Variants in IQGAP2 observed in about 807,000 individuals in gnomAD.
IQGAP2 encodes the protein IQ motif containing GTPase activating protein 2, also known as ras GTPase-activating-like protein IQGAP2.
In IQGAP2, 173 loss-of-function variants were observed where a neutral mutation model predicts 201.3. That is an observed-to-expected ratio of 0.86 (90% confidence interval 0.76 to 0.98). The LOEUF (loss-of-function observed/expected upper bound fraction) is 0.98. IQGAP2 is among the 50% of genes least tolerant of loss of function. The probability of loss-of-function intolerance (pLI) is 0.00; values close to 1 mark genes in which losing one functional copy is unlikely to be tolerated. For missense variants in IQGAP2, 1,687 were observed against 1,864.8 expected (o/e 0.90, Z 1.76); for synonymous variants, 675 against 673.9 (o/e 1.00, Z -0.03).
At chr5:76,697,821 G>A (rs575516542) in intron 32 of IQGAP2, among the ~76,000 whole-genome samples, 166 bp from the exon 33 acceptor site, 1 of 152,244 alleles carries the variant, frequency 6.6e-6, no homozygotes, top group Admixed American at 6.5e-5. Context: ...AGTAAAAAGG[G>A]ATGGGAACCC....
chr5:76,694,596 T>A (rs577784053), intron 31 of IQGAP2, among the ~76,000 whole-genome samples: 1 of 152,310 alleles, frequency 6.6e-6, no homozygotes, highest in South Asian at 2.1e-4. Context: ...CAATTAAACA[T>A]GTTAAGTGGG....
chr5:76,423,143 TTACCA>T (rs1751814769), intron 1 of IQGAP2, among the ~76,000 whole-genome samples: 1 of 152,192 alleles, frequency 6.6e-6, no homozygotes, highest in Admixed American at 6.5e-5. Flanking sequence ...CTATAAAAAA[TTACCA>T]CTAATCAACT....
Position 76,677,322 on chromosome 5 carries a change from C to G in IQGAP2, c.3632C>G (p.Ser1211Ter). ...GTCAGCAAACCAGTCATTTATATTT[C>G]AATTGAAGAAATCATCAGCACACAC... ...VTVSKPVIYI[S>*]IEEIISTHSL... The change falls in exon 28 of 36, where the codon TCA becomes TGA. Residue 1211 changes from serine to a stop codon, truncating the protein, a stop_gained. Transcript: ENST00000274364. LOFTEE classifies it high-confidence loss of function. 6.2e-7 allele frequency: 1 copy of G among 1,613,844 alleles called. No individual in the cohort carries two copies. The highest frequency in any genetic ancestry group is 8.5e-7 in the Non-Finnish European group (1 of 1,179,892).
chr5:76,468,151 T>G (rs1754886427), intron 2 of IQGAP2, among the ~76,000 whole-genome samples: 1 of 152,192 alleles, frequency 6.6e-6, no homozygotes, highest in Non-Finnish European at 1.5e-5. Context: ...GATAATTTCC[T>G]TACACTGGCT....
At chr5:76,699,322 T>G (rs959994049) in intron 33 of IQGAP2, 2 of 152,218 alleles carry the variant, frequency 1.3e-5, no homozygotes, top group African/African-American at 4.8e-5. Flanking sequence ...CGAATAGTAT[T>G]CTTCTGTGTG....
intron 3 of IQGAP2, among the ~76,000 whole-genome samples, chr5:76,569,300 A>G (rs142903156): frequency 4.6e-5 from 7 of 152,318 alleles, no homozygotes; most frequent in African/African-American, 1.7e-4. Flanking sequence ...CTATCTTTCC[A>G]TATCTTTAAA....
In IQGAP2 at chr5:76,562,608, C is replaced by G. The variant is rs1271999584; in HGVS notation, c.303+56C>G. On this transcript the variant is annotated intron_variant, in intron 3 of 35. Transcript: ENST00000274364. ...AGCTAAAAGTGAAAGTTTGGTATTT[C>G]ATATCCTCTCCCTTCTTTTACTCTT... The G allele has an allele frequency of 2.8e-6, 4 of 1,450,052 alleles. No homozygotes were observed. The African/African-American group carries it at 4.2e-5, about 15-fold the overall frequency. 89.8% of individuals were successfully genotyped at this position (1,450,052 alleles called of 1,614,324 possible).
chr5:76,551,304 G>A (rs1476713697), intron 2 of IQGAP2, among the ~76,000 whole-genome samples: 1 of 150,778 alleles, frequency 6.6e-6, no homozygotes, highest in Admixed American at 6.6e-5. Flanking sequence ...ATGGGCGGCC[G>A]GGCAGAGATG....
intron 28 of IQGAP2, 114 bp from the exon 29 acceptor site, chr5:76,683,001 C>T (rs2150513535): frequency 5.3e-6 from 3 of 565,820 alleles, no homozygotes; most frequent in Non-Finnish European, 9.3e-6. Flanking sequence ...AAATGTCATA[C>T]TCATATTTAA....
intron 33 of IQGAP2, among the ~76,000 whole-genome samples, chr5:76,700,104 C>G (rs141233897): frequency 1.7e-3 from 266 of 152,106 alleles, no homozygotes; most frequent in African/African-American, 6.2e-3. Context: ...CATATACATG[C>G]AAGGAAGAAG....
intron 28 of IQGAP2, among the ~76,000 whole-genome samples, chr5:76,679,839 A>G (rs1199242794): frequency 6.6e-6 from 1 of 152,134 alleles, no homozygotes; most frequent in Non-Finnish European, 1.5e-5. Flanking sequence ...TAAAAACAAC[A>G]CGTAATTTCT....
intron 13 of IQGAP2, chr5:76,615,698 T>C (rs1162501451): frequency 6.6e-6 from 1 of 152,242 alleles, no homozygotes; most frequent in Non-Finnish European, 1.5e-5. Context: ...ACTAATGTCT[T>C]CCTTCCTGTC....
chr5:76,538,465 G>C (rs956272983), intron 2 of IQGAP2, among the ~76,000 whole-genome samples: 1 of 152,186 alleles, frequency 6.6e-6, no homozygotes, highest in Non-Finnish European at 1.5e-5. Flanking sequence ...GTGGCCATGA[G>C]GGACCCAGAG....
At chr5:76,407,782 C>T (rs1326335489) in intron 1 of IQGAP2, among the ~76,000 whole-genome samples, 1 of 152,104 alleles carries the variant, frequency 6.6e-6, no homozygotes, top group Non-Finnish European at 1.5e-5. Context: ...TCTAGGGAAC[C>T]AATGACTTAC....
chr5:76,594,024 A>G (rs1234912750), intron 9 of IQGAP2, among the ~76,000 whole-genome samples: 1 of 152,216 alleles, frequency 6.6e-6, no homozygotes, highest in Non-Finnish European at 1.5e-5. Flanking sequence ...CCTCACATAC[A>G]CATAACTGGG....
intron 4 of IQGAP2, among the ~76,000 whole-genome samples, chr5:76,573,014 A>C (rs1745220134): frequency 6.6e-6 from 1 of 152,234 alleles, no homozygotes; most frequent in Non-Finnish European, 1.5e-5. Context: ...TTCTCCTAAA[A>C]TGCCCAGAAC....
intron 2 of IQGAP2, among the ~76,000 whole-genome samples, chr5:76,484,747 C>T (rs1204633313): frequency 6.6e-6 from 1 of 151,766 alleles, no homozygotes; most frequent in East Asian, 1.9e-4. Flanking sequence ...ACCTCCTGGA[C>T]TCAAGCAGTC....
chr5:76,691,241 A>C (rs1298219940), intron 30 of IQGAP2, among the ~76,000 whole-genome samples: 1 of 152,156 alleles, frequency 6.6e-6, no homozygotes, highest in Non-Finnish European at 1.5e-5. Flanking sequence ...TCCAAGGGAA[A>C]CAGGCTGTGT....
rs773514098 is a variant in IQGAP2 at position 76,674,488 on chromosome 5, C to T, written c.3306C>T (p.Asn1102=). Residue 1102 remains asparagine, a synonymous_variant, in exon 27 of 36, where the codon AAC becomes AAT. Transcript: ENST00000274364. The part of the protein sequence containing the change: ...TEDELLKIVG[N]LLYYRYMNPA... ...CTGCGTCACTCCAGATTGTTGGAAA[C>T]CTCCTGTACTATCGGTACATGAATC... 6.2e-7 allele frequency: 1 copy of T among 1,611,672 alleles called. No individual in the cohort carries two copies. Among genetic ancestry groups the T allele is most frequent in the Non-Finnish European group, 8.5e-7 (1 of 1,177,914 alleles).
Sources: gnomAD v4.1 joint callset for allele counts (sites outside exome capture counted in the v4.1 genomes callset) on GRCh38, gnomAD v4.1.1 for gene constraint, MANE v1.5 for transcripts, NCBI Gene and HGNC (gene_info 2026-07-23, HGNC 2026-07-21) for gene names.